Variants in SDK1 observed in about 807,000 individuals in gnomAD.
The protein encoded by SDK1 is protein sidekick-1.
In SDK1, 157 loss-of-function variants were observed where a neutral mutation model predicts 245.5. The ratio of observed to expected loss-of-function variants is 0.64; its 90% CI spans 0.56 to 0.73. The LOEUF (loss-of-function observed/expected upper bound fraction) is 0.73, where lower values mean the gene tolerates loss of function less well. Ranked by LOEUF, SDK1 falls within the 30% of genes least tolerant of loss-of-function variation. The probability of loss-of-function intolerance (pLI) is 0.00; values close to 1 mark genes in which losing one functional copy is unlikely to be tolerated. For missense variants in SDK1, 3,583 were observed against 3,002.3 expected, an observed-to-expected ratio of 1.19 and a Z score of -4.52; for synonymous variants, 1,647 against 1,278.5, an observed-to-expected ratio of 1.29 and a Z score of -6.15.
intron 1 of SDK1, among the ~76,000 whole-genome samples, chr7:3,410,218 CAA>C (rs1312830867): frequency 6.6e-6 from 1 of 152,102 alleles, no homozygotes; most frequent in Non-Finnish European, 1.5e-5. Context: ...CATGACACCT[CAA>C]AGTGGAAAAT....
chr7:3,642,493 C>G lies in SDK1; in HGVS notation c.713+388C>G, dbSNP rs1005696964. Among the ~76,000 whole-genome samples, 3 of 151,824 alleles carry G rather than the reference C, an allele frequency of 2.0e-5. No homozygotes were observed. The East Asian group carries it at 5.8e-4, about 29-fold the overall frequency. ...TACAGTGCTGTGGGGTTTTTTTTCCCCCTCCTTTTATTGAGCCATGTTTGA... is the reference window on the plus strand; with the variant it reads ...TACAGTGCTGTGGGGTTTTTTTTCCGCCTCCTTTTATTGAGCCATGTTTGA... On this transcript the variant is annotated intron_variant, in intron 4 of 44. Coordinates refer to ENST00000404826, the MANE Select transcript of SDK1 (RefSeq NM_152744.4).
chr7:4,226,036 G>T (rs552942018), intron 40 of SDK1, among the ~76,000 whole-genome samples: 1 of 152,172 alleles, frequency 6.6e-6, no homozygotes, highest in Non-Finnish European at 1.5e-5. Context: ...ACGCTTTATG[G>T]ATTGTCAATA....
In SDK1 at chr7:3,601,898, A is replaced by C. The variant is rs551090934; in HGVS notation, c.299-17182A>C. 4.9e-3 allele frequency among the ~76,000 whole-genome samples: 710 copies of C among 145,498 alleles called. 9 individuals carry two copies. Among genetic ancestry groups the C allele is most frequent in the African/African-American group, 0.016 (610 of 38,616 alleles). The stretch of plus-strand genomic sequence containing the variant: ...TGTGTCCATGTGTTATCATTGTTCA[A>C]TTCCCACCTATGAATGAGAACATGG... On this transcript the variant is annotated intron_variant, in intron 1 of 44. Transcript: ENST00000404826.
chr7:3,938,047 C>T (rs775552706), intron 5 of SDK1, among the ~76,000 whole-genome samples: 3 of 152,096 alleles, frequency 2.0e-5, no homozygotes, highest in African/African-American at 7.2e-5. Flanking sequence ...ATGTTGCCCA[C>T]ACTGGTCTTG....
intron 5 of SDK1, among the ~76,000 whole-genome samples, chr7:3,856,291 A>T (rs1780543327): frequency 6.6e-6 from 1 of 152,138 alleles, no homozygotes; most frequent in African/African-American, 2.4e-5. Context: ...GAAAAAAATA[A>T]TGTAAATCTG....
chr7:3,690,618 A>G (rs1361880632), intron 4 of SDK1, among the ~76,000 whole-genome samples: 2 of 152,202 alleles, frequency 1.3e-5, no homozygotes, highest in Middle Eastern at 3.2e-3. Flanking sequence ...TAGCTTTTAC[A>G]GATAAGTCAC....
chr7:3,428,236 T>G (rs1779731306), intron 1 of SDK1, among the ~76,000 whole-genome samples: 1 of 152,158 alleles, frequency 6.6e-6, no homozygotes, highest in Non-Finnish European at 1.5e-5. Context: ...GTGCACTGAA[T>G]AGCTAGTGGT....
intron 5 of SDK1, among the ~76,000 whole-genome samples, chr7:3,879,059 G>T (rs1781142691): frequency 6.6e-6 from 1 of 152,098 alleles, no homozygotes; most frequent in Non-Finnish European, 1.5e-5. Context: ...AATTTCTTGG[G>T]AGAAGGTACC....
chr7:3,413,668 C>T (rs1779276846), intron 1 of SDK1, among the ~76,000 whole-genome samples: 1 of 152,028 alleles, frequency 6.6e-6, no homozygotes, highest in African/African-American at 2.4e-5. Context: ...TCCAGGGCAA[C>T]AGAGCGAAAC....
chr7:3,606,293 G>T (rs1015383309), intron 1 of SDK1, among the ~76,000 whole-genome samples: 1 of 152,152 alleles, frequency 6.6e-6, no homozygotes, highest in Non-Finnish European at 1.5e-5. Flanking sequence ...ACTGCAACCA[G>T]TTTACCAAAT....
At chr7:3,873,424 G>GTGTTT (rs906021762) in intron 5 of SDK1, among the ~76,000 whole-genome samples, 17 of 152,102 alleles carry the variant, frequency 1.1e-4, no homozygotes, top group Non-Finnish European at 1.9e-4. Context: ...TGTAGAGTTT[G>GTGTTT]TGTTTTGTTT....
At chr7:3,352,492 C>T (rs1213952914) in intron 1 of SDK1, among the ~76,000 whole-genome samples, 2 of 152,146 alleles carry the variant, frequency 1.3e-5, no homozygotes, top group Admixed American at 6.5e-5. Flanking sequence ...AGTTCACAGG[C>T]TGTGGCTCCT....
intron 3 of SDK1, among the ~76,000 whole-genome samples, chr7:3,641,394 C>G (rs532677115): frequency 6.6e-6 from 1 of 152,200 alleles, no homozygotes; most frequent in South Asian, 2.1e-4. Flanking sequence ...AATACTGGAA[C>G]AAAAGCTAGT....
chr7:4,070,470 G>C (rs1780178728), intron 20 of SDK1, among the ~76,000 whole-genome samples: 1 of 152,204 alleles, frequency 6.6e-6, no homozygotes, highest in African/African-American at 2.4e-5. Context: ...GTGCATCCCT[G>C]CAGTGCTCCT....
intron 31 of SDK1, among the ~76,000 whole-genome samples, chr7:4,159,184 G>T (rs576478961): frequency 6.6e-6 from 1 of 152,172 alleles, no homozygotes; most frequent in African/African-American, 2.4e-5. Flanking sequence ...CATCATTCCC[G>T]CAACCTATCC....
At chr7:3,721,123 T>C (rs1427649945) in intron 4 of SDK1, among the ~76,000 whole-genome samples, 1 of 152,140 alleles carries the variant, frequency 6.6e-6, no homozygotes, top group African/African-American at 2.4e-5. Context: ...AGCAAGGGCA[T>C]GGGTGGGGCT....
chr7:3,332,705 AG>A (rs1780100282), intron 1 of SDK1, among the ~76,000 whole-genome samples: 1 of 152,176 alleles, frequency 6.6e-6, no homozygotes. Context: ...AATGTGCTGT[AG>A]GGGACAGTGA....
intron 38 of SDK1, among the ~76,000 whole-genome samples, chr7:4,216,455 C>T (rs1003053126): frequency 2.0e-5 from 3 of 152,146 alleles, no homozygotes; most frequent in Admixed American, 6.5e-5. Flanking sequence ...CTGAAAAATC[C>T]AGACTCTAAC....
At chr7:3,353,356 C>G (rs969652533) in intron 1 of SDK1, among the ~76,000 whole-genome samples, 1 of 151,980 alleles carries the variant, frequency 6.6e-6, no homozygotes, top group Non-Finnish European at 1.5e-5. Context: ...TTGCTATAAC[C>G]TTAGTGTACG....
Sources: allele counts gnomAD v4.1 joint callset (sites outside exome capture counted in the v4.1 genomes callset), GRCh38; gene constraint gnomAD v4.1.1; transcripts MANE v1.5; gene names NCBI Gene and HGNC (gene_info 2026-07-23, HGNC 2026-07-21).